PREX1: variants seen among roughly 807,000 people sequenced by gnomAD.
PREX1 encodes phosphatidylinositol-3,4,5-trisphosphate dependent Rac exchange factor 1.
PREX1 carries 41 observed loss-of-function variants against 198.3 expected under a neutral mutation model. The ratio of observed to expected loss-of-function variants is 0.21; its 90% CI spans 0.16 to 0.27. PREX1 has a LOEUF of 0.27. PREX1 is among the 10% of genes least tolerant of loss of function. PREX1 has a pLI of 1.00. For missense variants in PREX1, 1,620 were observed against 2,200.7 expected (o/e 0.74, Z 5.28); for synonymous variants, 843 against 887.2 (o/e 0.95, Z 0.89).
At chr20:48,767,337 C>G (rs889674129) in intron 1 of PREX1, among the ~76,000 whole-genome samples, 1 of 152,092 alleles carries the variant, frequency 6.6e-6, no homozygotes, top group African/African-American at 2.4e-5. Flanking sequence ...GGACAGAGCC[C>G]CCGAGGAGGG....
At chr20:48,775,958 A>G (rs2090259373) in intron 1 of PREX1, among the ~76,000 whole-genome samples, 1 of 152,144 alleles carries the variant, frequency 6.6e-6, no homozygotes. Flanking sequence ...TGGGGGCCAG[A>G]GGTGCAGCTA....
chr20:48,688,901 G>A (rs2089801156), intron 9 of PREX1, 97 bp from the exon 10 acceptor site: 1 of 1,450,420 alleles, frequency 6.9e-7, no homozygotes, highest in African/African-American at 1.4e-5. Flanking sequence ...CTGAAAGCTG[G>A]CCTGCCACCT....
intron 13 of PREX1, among the ~76,000 whole-genome samples, chr20:48,678,242 G>A (rs933976959): frequency 2.0e-5 from 3 of 151,922 alleles, no homozygotes; most frequent in Admixed American, 6.6e-5. Flanking sequence ...TGAACCCGGC[G>A]GAGGTTGCAG....
intron 32 of PREX1, 49 bp from the exon 33 acceptor site, chr20:48,634,824 CAGGGTTTCCT>C: frequency 6.5e-7 from 1 of 1,535,984 alleles, no homozygotes; most frequent in Non-Finnish European, 9.0e-7. Flanking sequence ...AACCCTGCCC[CAGGGTTTCCT>C]ATCAAGATGC....
chr20:48,709,652 G>A (rs989678515), intron 5 of PREX1, among the ~76,000 whole-genome samples: 1 of 152,222 alleles, frequency 6.6e-6, no homozygotes, highest in Non-Finnish European at 1.5e-5. Context: ...AGGAGGAACT[G>A]GGATTTGAAC....
intron 1 of PREX1, among the ~76,000 whole-genome samples, chr20:48,802,831 T>C (rs558123072): frequency 1.3e-5 from 2 of 152,320 alleles, no homozygotes; most frequent in South Asian, 4.1e-4. Context: ...CCCATTCCCT[T>C]TGCAACAAGG....
chr20:48,728,359 T>C (rs1467713652), intron 4 of PREX1, among the ~76,000 whole-genome samples: 1 of 152,234 alleles, frequency 6.6e-6, no homozygotes, highest in African/African-American at 2.4e-5. Context: ...CATGGACCAC[T>C]GTCCCCTACC....
At chr20:48,676,642 C>T (rs4810853) in intron 13 of PREX1, among the ~76,000 whole-genome samples, 25,286 of 152,142 alleles carry the variant, frequency 0.17, 4,368 homozygotes, top group African/African-American at 0.44. Context: ...GCTGGCATCC[C>T]GTGTGTAGAG....
chr20:48,634,254 AAGAC>A (rs1467680885), intron 33 of PREX1, among the ~76,000 whole-genome samples: 2 of 152,092 alleles, frequency 1.3e-5, no homozygotes, highest in African/African-American at 2.4e-5. Flanking sequence ...CACAGAGAGA[AAGAC>A]AGAAAGAAAA....
At chr20:48,701,798 T>G (rs1029585672) in intron 6 of PREX1, among the ~76,000 whole-genome samples, 1 of 152,192 alleles carries the variant, frequency 6.6e-6, no homozygotes, top group African/African-American at 2.4e-5. Flanking sequence ...TCACCTATGT[T>G]GAGCAGCAGG....
At chr20:48,653,740 C>A (rs544313754) in intron 19 of PREX1, among the ~76,000 whole-genome samples, 1 of 152,320 alleles carries the variant, frequency 6.6e-6, no homozygotes. Context: ...GCAAGGCAAA[C>A]GGGATCCGAT....
chr20:48,756,999 C>T (rs117353541), intron 1 of PREX1, among the ~76,000 whole-genome samples: 11 of 152,222 alleles, frequency 7.2e-5, no homozygotes, highest in East Asian at 1.9e-4. Context: ...ATCACGAGAA[C>T]GGCATGGGAA....
chr20:48,652,925 T>C (rs1323256069), intron 20 of PREX1, among the ~76,000 whole-genome samples: 1 of 152,114 alleles, frequency 6.6e-6, no homozygotes, highest in Non-Finnish European at 1.5e-5. Flanking sequence ...CTCTCCTGTG[T>C]CCCCAGGGTC....
At chr20:48,669,795 G>C (rs1487568775) in intron 14 of PREX1, among the ~76,000 whole-genome samples, 1 of 152,196 alleles carries the variant, frequency 6.6e-6, no homozygotes, top group Non-Finnish European at 1.5e-5. Context: ...AGCTGTTCCT[G>C]ATTAGTTATT....
chr20:48,731,018 C>CA (rs2090032686), intron 4 of PREX1, among the ~76,000 whole-genome samples: 1 of 152,012 alleles, frequency 6.6e-6, no homozygotes. Context: ...CAAAACAAAA[C>CA]AAAAAATTTC....
chr20:48,754,405 G>A (rs533386226), intron 1 of PREX1, among the ~76,000 whole-genome samples: 3 of 152,272 alleles, frequency 2.0e-5, no homozygotes, highest in East Asian at 1.9e-4. Context: ...ACAATGAACC[G>A]CATCAGCCTT....
At chr20:48,801,535 A>T (rs1184268873) in intron 1 of PREX1, among the ~76,000 whole-genome samples, 1 of 151,996 alleles carries the variant, frequency 6.6e-6, no homozygotes, top group Non-Finnish European at 1.5e-5. Context: ...GCACAGTTTC[A>T]CCTCCGTGGA....
intron 1 of PREX1, among the ~76,000 whole-genome samples, chr20:48,783,024 C>T (rs2090296673): frequency 6.6e-6 from 1 of 152,190 alleles, no homozygotes; most frequent in Non-Finnish European, 1.5e-5. Context: ...GCCTCCGGAA[C>T]CAGGTTGCCT....
At chr20:48,848,431 T>A in the PREX1 span, among the ~76,000 whole-genome samples, 6 of 151,670 alleles carry the variant, frequency 4.0e-5, no homozygotes, top group Admixed American at 2.0e-4. Flanking sequence ...ATTTTTATAT[T>A]TTTTTTGTAG....
Sources: allele counts gnomAD v4.1 joint callset (sites outside exome capture counted in the v4.1 genomes callset), GRCh38; gene constraint gnomAD v4.1.1; transcripts MANE v1.5; gene names NCBI Gene and HGNC (gene_info 2026-07-23, HGNC 2026-07-21).